The following CYYR1 variants were observed in gnomAD, a reference collection of about 807,000 sequenced individuals.
CYYR1 encodes the protein cysteine and tyrosine rich 1.
Under a neutral mutation model 15.2 loss-of-function variants are expected in CYYR1, and 14 were observed. The observed-to-expected ratio is 0.92, with a 90% confidence interval of 0.61 to 1.44. The LOEUF (loss-of-function observed/expected upper bound fraction) is 1.44, where lower values mean the gene tolerates loss of function less well. Among genes scored for constraint, CYYR1 ranks in the 40% most tolerant of loss-of-function variants. The pLI, the probability that CYYR1 is intolerant of heterozygous loss-of-function variation, is 0.00. For synonymous variants in CYYR1, 80 were observed against 77.4 expected, an observed-to-expected ratio of 1.03 and a Z score of -0.18; for missense variants, 228 against 209.5, an observed-to-expected ratio of 1.09 and a Z score of -0.54.
rs553320426 is a variant in CYYR1 at position 26,467,397 on chromosome 21, C to T, written c.*1104G>A. On this transcript the variant is annotated 3_prime_UTR_variant, in exon 4 of 4. Transcript: ENST00000652641. The stretch of plus-strand genomic sequence containing the variant: ...TGTGTCATTAACTTTTTTAAGAGAA[C>T]AGATTATCAAAATTTTACGAAGAAG... 135 of 152,080 alleles carry T rather than the reference C, an allele frequency of 8.9e-4. 1 individual carries two copies. Among genetic ancestry groups the T allele is most frequent in the African/African-American group, 3.0e-3 (125 of 41,496 alleles). 9.4% of individuals were successfully genotyped at this position (152,080 alleles called of 1,614,324 possible). A position where few individuals can be genotyped will look rare whatever the true frequency, so the allele number is the denominator to read the frequency against.
chr21:26,502,773 G>A (rs2123482042), intron 2 of CYYR1, among the ~76,000 whole-genome samples: 1 of 152,104 alleles, frequency 6.6e-6, no homozygotes, highest in South Asian at 2.1e-4. Context: ...ATGCCAGTGA[G>A]CTATAGGTAA....
intron 2 of CYYR1, among the ~76,000 whole-genome samples, chr21:26,549,424 A>G (rs1313928789): frequency 6.6e-6 from 1 of 152,126 alleles, no homozygotes; most frequent in Non-Finnish European, 1.5e-5. Flanking sequence ...TCCCTTTCCA[A>G]ATTCTTTCCC....
At chr21:26,572,407 T>TCCAA (rs1402061868) in intron 1 of CYYR1, among the ~76,000 whole-genome samples, 1 of 152,202 alleles carries the variant, frequency 6.6e-6, no homozygotes, top group Non-Finnish European at 1.5e-5. Flanking sequence ...AAACCTTGTG[T>TCCAA]TTGACTTCAG....
intron 2 of CYYR1, among the ~76,000 whole-genome samples, chr21:26,493,426 C>CA (rs1369859089): frequency 6.6e-6 from 1 of 151,952 alleles, no homozygotes; most frequent in Non-Finnish European, 1.5e-5. Flanking sequence ...GGCAGTGGGA[C>CA]AGGAAAGAAG....
At chr21:26,543,236 G>A (rs922538684) in intron 2 of CYYR1, among the ~76,000 whole-genome samples, 1 of 152,058 alleles carries the variant, frequency 6.6e-6, no homozygotes, top group Non-Finnish European at 1.5e-5. Flanking sequence ...AATGCACGCC[G>A]GGCTTAATAC....
intron 2 of CYYR1, among the ~76,000 whole-genome samples, chr21:26,541,988 TG>T (rs1440695073): frequency 5.9e-5 from 9 of 151,988 alleles, no homozygotes; most frequent in Non-Finnish European, 1.0e-4. Flanking sequence ...ACAAAGCAAG[TG>T]GGACAAACAG....
chr21:26,514,690 A>G (rs2065697590), intron 2 of CYYR1, among the ~76,000 whole-genome samples: 1 of 152,238 alleles, frequency 6.6e-6, no homozygotes, highest in South Asian at 2.1e-4. Context: ...GGCCAGAGTC[A>G]GAGGGAACTA....
At chr21:26,540,313 T>C (rs1278316338) in intron 2 of CYYR1, among the ~76,000 whole-genome samples, 1 of 152,094 alleles carries the variant, frequency 6.6e-6, no homozygotes, top group Non-Finnish European at 1.5e-5. Flanking sequence ...TGGAACTGAG[T>C]AGCGTTCCAT....
intron 3 of CYYR1, among the ~76,000 whole-genome samples, chr21:26,477,242 T>A (rs1218727372): frequency 6.6e-6 from 1 of 152,174 alleles, no homozygotes; most frequent in Non-Finnish European, 1.5e-5. Context: ...TTTCCATAGA[T>A]GAAAGATTTT....
At chr21:26,468,656 A>G (rs370749794) in intron 3 of CYYR1, 22 bp from the exon 4 acceptor site, 68 of 1,541,102 alleles carry the variant, frequency 4.4e-5, no homozygotes, top group Admixed American at 1.6e-4. Context: ...GGGGAAGAGA[A>G]CATCAAGGAG....
intron 1 of CYYR1, among the ~76,000 whole-genome samples, chr21:26,571,560 G>A (rs190718674): frequency 6.6e-6 from 1 of 152,336 alleles, no homozygotes; most frequent in African/African-American, 2.4e-5. Flanking sequence ...CAATGGAGTG[G>A]TTGAATAAGT....
chr21:26,558,190 G>A (rs1979935680), intron 2 of CYYR1, among the ~76,000 whole-genome samples: 1 of 152,146 alleles, frequency 6.6e-6, no homozygotes, highest in East Asian at 1.9e-4. Context: ...TGTTAAAAAG[G>A]TGTCTGGGCG....
intron 2 of CYYR1, among the ~76,000 whole-genome samples, chr21:26,490,016 T>C (rs1166695704): frequency 6.6e-6 from 1 of 152,056 alleles, no homozygotes; most frequent in African/African-American, 2.4e-5. Flanking sequence ...TAAGTATATA[T>C]TGAGCGGCTG....
rs866426672 is a variant in CYYR1, at chr21:26,518,658, T to C, written c.177-38229A>G. 7 of 152,342 alleles carry C rather than the reference T, an allele frequency of 4.6e-5. No individual in the cohort carries two copies. The South Asian group carries it at 1.4e-3, about 32-fold the overall frequency. 9.4% of individuals were successfully genotyped at this position (152,342 alleles called of 1,614,324 possible). On this transcript the variant is annotated intron_variant, in intron 2 of 3. Coordinates refer to ENST00000652641, the MANE Select transcript of CYYR1 (RefSeq NM_001320768.2). ...AGACTAAGACACTGCTGCTTTAATC[T>C]CCTCATTTGTGAAATGCAGAAATCA...
chr21:26,556,181 A>G (rs1979765131), intron 2 of CYYR1, among the ~76,000 whole-genome samples: 1 of 152,218 alleles, frequency 6.6e-6, no homozygotes, highest in African/African-American at 2.4e-5. Flanking sequence ...TTTGAAACCA[A>G]TAACACATTC....
chr21:26,539,283 G>T (rs189840312), intron 2 of CYYR1, among the ~76,000 whole-genome samples: 1 of 152,110 alleles, frequency 6.6e-6, no homozygotes, highest in South Asian at 2.1e-4. Flanking sequence ...CCTTAAGTAC[G>T]TAAGTGTGGC....
At chr21:26,538,848 T>C (rs1978353742) in intron 2 of CYYR1, among the ~76,000 whole-genome samples, 1 of 152,232 alleles carries the variant, frequency 6.6e-6, no homozygotes, top group Non-Finnish European at 1.5e-5. Context: ...TTATGTCCTA[T>C]GCATGAAACC....
chr21:26,472,589 T>C (rs1401149484), intron 3 of CYYR1, among the ~76,000 whole-genome samples: 1 of 152,124 alleles, frequency 6.6e-6, no homozygotes, highest in Admixed American at 6.5e-5. Flanking sequence ...TTGTTATTCA[T>C]ATTGAGTGAA....
chr21:26,474,360 T>C (rs1428445257), intron 3 of CYYR1, among the ~76,000 whole-genome samples: 1 of 151,800 alleles, frequency 6.6e-6, no homozygotes, highest in Middle Eastern at 3.4e-3. Flanking sequence ...GCCTACCATG[T>C]GTTCTTTTCT....
Sources: gnomAD v4.1 joint callset for allele counts (sites outside exome capture counted in the v4.1 genomes callset) on GRCh38, gnomAD v4.1.1 for gene constraint, MANE v1.5 for transcripts, NCBI Gene and HGNC (gene_info 2026-07-23, HGNC 2026-07-21) for gene names.